Variants in NR2C2 observed in about 807,000 individuals in gnomAD.
NR2C2 encodes the protein nuclear receptor subfamily 2 group C member 2.
In NR2C2, 6 loss-of-function variants were observed where a neutral mutation model predicts 62.9. The observed-to-expected ratio is 0.10, with a 90% CI of 0.05 to 0.19. The LOEUF is 0.19. Among genes scored for constraint, NR2C2 ranks in the 10% least tolerant of loss-of-function variants. The pLI is 1.00. For missense variants in NR2C2, 479 were observed against 762.7 expected, an observed-to-expected ratio of 0.63 and a Z score of 4.38; for synonymous variants, 272 against 273.8, an observed-to-expected ratio of 0.99 and a Z score of 0.07.
At chr3:15,038,321 C>G in intron 12 of NR2C2, 184 bp downstream of exon 12, 1 of 527,760 alleles carries the variant, frequency 1.9e-6, no homozygotes, top group South Asian at 3.2e-5. Context: ...CCTTTACAGC[C>G]CCAAAGAAAT....
intron 1 of NR2C2, among the ~76,000 whole-genome samples, chr3:14,966,918 A>G (rs1324593750): frequency 1.3e-5 from 2 of 152,234 alleles, no homozygotes; most frequent in East Asian, 3.8e-4. Context: ...GTTTTTTGAA[A>G]TTGTTTATAA....
intron 8 of NR2C2, among the ~76,000 whole-genome samples, chr3:15,029,637 T>C (rs180746935): frequency 3.3e-5 from 5 of 152,174 alleles, no homozygotes; most frequent in African/African-American, 1.2e-4. Context: ...AGATAATTTT[T>C]AACTTTGGAG....
At chr3:14,976,632 A>C in intron 1 of NR2C2, among the ~76,000 whole-genome samples, 2 of 91,306 alleles carry the variant, frequency 2.2e-5, no homozygotes, top group Admixed American at 1.2e-4. Flanking sequence ...TTTGATGGAC[A>C]GCATGCTGTA....
chr3:15,042,982 G>A lies in NR2C2; in HGVS notation c.1765G>A (p.Gly589Ser), dbSNP rs2042322337. 1.2e-6 allele frequency: 2 copies of A among 1,613,928 alleles called. No individual in the cohort carries two copies. The highest frequency in any genetic ancestry group is 1.7e-5 in the Admixed American group (1 of 59,994). The change falls in exon 14 of 14, where the codon GGC becomes AGC. Residue 589 changes from glycine (G) to serine (S), a missense_variant. By Grantham distance (56) the Gly-to-Ser change is moderately conservative. Transcript: ENST00000425241. ...ILKMETAEYN[G>S]QITGASL ...CAAGATGGAGACAGCAGAGTATAATGGCCAGATCACCGGAGCCAGTCTATA... is the reference window on the plus strand; with the variant it reads ...CAAGATGGAGACAGCAGAGTATAATAGCCAGATCACCGGAGCCAGTCTATA...
At chr3:14,952,453 T>C (rs998238617) in intron 1 of NR2C2, among the ~76,000 whole-genome samples, 2 of 152,196 alleles carry the variant, frequency 1.3e-5, no homozygotes, top group African/African-American at 2.4e-5. Context: ...AAGTATCATC[T>C]TAAAAAATAC....
chr3:14,995,502 TGTACCAGTACTTC>T (rs1305905550), intron 1 of NR2C2, among the ~76,000 whole-genome samples: 1 of 152,234 alleles, frequency 6.6e-6, no homozygotes, highest in Non-Finnish European at 1.5e-5. Context: ...TGTTGTAGCA[TGTACCAGTACTTC>T]GTTTCATTAT....
intron 1 of NR2C2, among the ~76,000 whole-genome samples, chr3:14,986,948 G>GT (rs1210880502): frequency 2.0e-5 from 3 of 152,130 alleles, no homozygotes; most frequent in African/African-American, 7.2e-5. Context: ...AAGCAGCCTA[G>GT]TTTTTTTAAA....
At chr3:15,007,848 G>A (rs541127773) in intron 2 of NR2C2, among the ~76,000 whole-genome samples, 41 of 152,302 alleles carry the variant, frequency 2.7e-4, no homozygotes, top group African/African-American at 8.9e-4. Flanking sequence ...CACACACATC[G>A]TATCATTTCA....
Position 15,044,156 on chromosome 3 carries a change from C to A in NR2C2, c.*1148C>A, listed in dbSNP as rs537351635. Reference sequence around the variant, plus strand: ...GGGGCTGGGCAGGAGCCTGCTGCCGCCTGGCGAGAGTGGTTAGGGCCTGGT... The same window carrying A: ...GGGGCTGGGCAGGAGCCTGCTGCCGACTGGCGAGAGTGGTTAGGGCCTGGT... On this transcript the variant is annotated 3_prime_UTR_variant, in exon 14 of 14. Transcript: ENST00000425241. 7 of 152,348 alleles carry A rather than the reference C, an allele frequency of 4.6e-5. No individual in the cohort carries two copies. Among genetic ancestry groups the A allele is most frequent in the African/African-American group, 1.7e-4 (7 of 41,550 alleles). The allele number at this position is 152,348 out of a possible 1,614,324, so 9.4% of individuals were successfully genotyped here.
At chr3:14,963,493 C>T (rs998351464) in intron 1 of NR2C2, among the ~76,000 whole-genome samples, 4 of 152,002 alleles carry the variant, frequency 2.6e-5, no homozygotes, top group East Asian at 1.9e-4. Context: ...TTTTTTGAGA[C>T]GGAGTCTTGC....
Position 15,045,402 on chromosome 3 carries a change from C to G in NR2C2, c.*2394C>G, listed in dbSNP as rs924970873. 2.0e-5 allele frequency: 3 copies of G among 152,694 alleles called. No homozygotes were observed. The highest frequency in any genetic ancestry group is 7.2e-5 in the African/African-American group (3 of 41,454). The allele number at this position is 152,694 out of a possible 1,614,324, so 9.5% of individuals were successfully genotyped here. A position where few individuals can be genotyped will look rare whatever the true frequency, so the allele number is the denominator to read the frequency against. On this transcript the variant is annotated 3_prime_UTR_variant, in exon 14 of 14. Transcript: ENST00000425241. ...AAGTGTTGGGCTGTGGTGAAACAAC[C>G]TTGCAGAAAACGTGATTTTGCTTGG...
chr3:14,949,699 A>G (rs895096348), intron 1 of NR2C2, among the ~76,000 whole-genome samples: 7 of 152,230 alleles, frequency 4.6e-5, no homozygotes, highest in Admixed American at 3.9e-4. Flanking sequence ...TCCAGGCACT[A>G]TGTGCTAGGC....
chr3:14,949,833 CTG>C (rs1242579306), intron 1 of NR2C2, among the ~76,000 whole-genome samples: 1 of 152,162 alleles, frequency 6.6e-6, no homozygotes, highest in Non-Finnish European at 1.5e-5. Context: ...ATATAATTCT[CTG>C]TGTGTGAGTT....
chr3:15,001,104 G>A (rs2040981178), intron 1 of NR2C2, among the ~76,000 whole-genome samples: 3 of 151,958 alleles, frequency 2.0e-5, no homozygotes, highest in Admixed American at 1.3e-4. Context: ...GTGAGCCACC[G>A]TGCCCAGCCT....
At chr3:14,948,087 C>T (rs1177110243) in intron 1 of NR2C2, 181 bp downstream of exon 1, 1 of 152,198 alleles carries the variant, frequency 6.6e-6, no homozygotes, top group Admixed American at 6.5e-5. Flanking sequence ...CCCTCCCCGC[C>T]CGCGGCCGGG....
chr3:14,951,404 T>A (rs2039351224), intron 1 of NR2C2, among the ~76,000 whole-genome samples: 2 of 152,220 alleles, frequency 1.3e-5, no homozygotes, highest in African/African-American at 4.8e-5. Flanking sequence ...AAATAAAACA[T>A]TTGTATTAAC....
Position 15,049,167 on chromosome 3 carries a change from T to C in NR2C2, c.*6159T>C, listed in dbSNP as rs564574924. On this transcript the variant is annotated 3_prime_UTR_variant, in exon 14 of 14. Transcript: ENST00000425241. ...ATATAGAGTATTGCAGTGCATGAAT[T>C]AGCTTTATGCATTTTATTAAATGCT... is the stretch of plus-strand genomic sequence containing the variant. The C allele has an allele frequency of 1.3e-5, 2 of 152,784 alleles. No homozygotes were observed. Among genetic ancestry groups the C allele is most frequent in the South Asian group, 4.1e-4 (2 of 4,828 alleles). 9.5% of individuals were successfully genotyped at this position (152,784 alleles called of 1,614,324 possible). A position where few individuals can be genotyped will look rare whatever the true frequency, so the allele number is the denominator to read the frequency against.
At chr3:14,961,458 G>A (rs1398974653) in intron 1 of NR2C2, among the ~76,000 whole-genome samples, 2 of 152,290 alleles carry the variant, frequency 1.3e-5, no homozygotes, top group South Asian at 2.1e-4. Flanking sequence ...GTTTTTATAT[G>A]TAAATCTTGG....
At chr3:14,983,078 T>G (rs2040418506) in intron 1 of NR2C2, among the ~76,000 whole-genome samples, 1 of 152,206 alleles carries the variant, frequency 6.6e-6, no homozygotes, top group South Asian at 2.1e-4. Flanking sequence ...GGGATATCCA[T>G]TACCTCAAGC....
Sources: gnomAD v4.1 joint callset for allele counts (sites outside exome capture counted in the v4.1 genomes callset) on GRCh38, gnomAD v4.1.1 for gene constraint, MANE v1.5 for transcripts, NCBI Gene and HGNC (gene_info 2026-07-23, HGNC 2026-07-21) for gene names.